Variants in IGFN1 observed in about 807,000 individuals in gnomAD.
IGFN1 encodes immunoglobulin like and fibronectin type III domain containing 1.
Under a neutral mutation model 289.5 loss-of-function variants are expected in IGFN1, and 253 were observed. The ratio of observed to expected loss-of-function variants is 0.87; its 90% CI spans 0.79 to 0.97. IGFN1 has a LOEUF of 0.97. Ranked by LOEUF, IGFN1 falls within the 50% of genes least tolerant of loss-of-function variation. The pLI is 0.00. For synonymous variants in IGFN1, 1,706 were observed against 1,788.5 expected, an observed-to-expected ratio of 0.95 and a Z score of 1.16; for missense variants, 4,470 against 4,686.1, an observed-to-expected ratio of 0.95 and a Z score of 1.35.
chr1:201,228,464 G>A lies in IGFN1; in HGVS notation c.*65G>A, dbSNP rs372890695. 85 of 1,541,290 alleles carry A rather than the reference G, an allele frequency of 5.5e-5. No homozygotes were observed. The highest frequency in any genetic ancestry group is 1.2e-4 in the African/African-American group (9 of 73,368). ...TCACTTCCGACACCTGCACTGGCCCGGGAAGCCAATCCCAAGGATGGAGGC... is the reference window on the plus strand; with the variant it reads ...TCACTTCCGACACCTGCACTGGCCCAGGAAGCCAATCCCAAGGATGGAGGC... On this transcript the variant is annotated 3_prime_UTR_variant, in exon 24 of 24. Transcript: ENST00000335211.
rs1654265492 is a variant in IGFN1, at chr1:201,228,537, G to T, written c.*138G>T. 1 of 948,012 alleles carries T rather than the reference G, an allele frequency of 1.1e-6. No individual in the cohort carries two copies. Among genetic ancestry groups the T allele is most frequent in the East Asian group, 2.4e-5 (1 of 41,604 alleles). The allele number at this position is 948,012 out of a possible 1,614,324, so 58.7% of individuals were successfully genotyped here. On this transcript the variant is annotated 3_prime_UTR_variant, in exon 24 of 24. Transcript: ENST00000335211. Reference sequence around the variant, plus strand: ...TGGGAGTGAGAAGATGCCTGGCGAGGTTTTGGCCAGGAGGACGTGAAGTCC... The same window carrying T: ...TGGGAGTGAGAAGATGCCTGGCGAGTTTTTGGCCAGGAGGACGTGAAGTCC...
Position 201,209,367 on chromosome 1 carries a change from G to A in IGFN1, c.4474G>A (p.Glu1492Lys). The stretch of plus-strand genomic sequence containing the variant: ...GGGTTCTGGGGAAATGGGGTTAATT[G>A]AGGCAGGCTATAGGAAAGATTTGGG... ...LRGSGEMGLI[E>K]AGYRKDLGVS... The change falls in exon 12 of 24, where the codon GAG becomes AAG. Residue 1492 changes from glutamate (E) to lysine (K), a missense_variant. Around this residue, in one of 8 missense-constraint regions of IGFN1, gnomAD observed 2,011 missense variants for 1,953.4 expected, o/e 1.03. Coordinates refer to ENST00000335211, the MANE Select transcript of IGFN1 (RefSeq NM_001164586.2). 6 of 1,500,554 alleles carry A rather than the reference G, an allele frequency of 4.0e-6. No homozygotes were observed. The highest frequency in any genetic ancestry group is 5.3e-6 in the Non-Finnish European group (6 of 1,131,672). 93.0% of individuals were successfully genotyped at this position (1,500,554 alleles called of 1,614,324 possible). A position where few individuals can be genotyped will look rare whatever the true frequency, so the allele number is the denominator to read the frequency against.
intron 20 of IGFN1, among the ~76,000 whole-genome samples, chr1:201,223,293 C>G (rs1653856465): frequency 6.6e-6 from 1 of 152,204 alleles, no homozygotes; most frequent in African/African-American, 2.4e-5. Context: ...AAAGTACAAA[C>G]TGCCTGGGTT....
chr1:201,228,423 C>A lies in IGFN1; in HGVS notation c.*24C>A. On this transcript the variant is annotated 3_prime_UTR_variant, in exon 24 of 24. Transcript: ENST00000335211. ...AGCCTCACCTCACCCTGGGATGGTC[C>A]TGGACCCTTGAAGCTTCACTTCCGA... 6.2e-7 allele frequency: 1 copy of A among 1,613,216 alleles called. No homozygotes were observed. The highest frequency in any genetic ancestry group is 1.1e-5 in the South Asian group (1 of 91,072).
At chr1:201,201,030 A>G (rs1013005599) in intron 8 of IGFN1, among the ~76,000 whole-genome samples, 1 of 151,856 alleles carries the variant, frequency 6.6e-6, no homozygotes, top group Non-Finnish European at 1.5e-5. Flanking sequence ...ACGGGGTTTC[A>G]CCGTGTTAGC....
At chr1:201,197,523 T>C (rs1666971931) in intron 5 of IGFN1, among the ~76,000 whole-genome samples, 1 of 152,214 alleles carries the variant, frequency 6.6e-6, no homozygotes, top group African/African-American at 2.4e-5. Context: ...AGGCACACCT[T>C]GGCAGATACT....
At chr1:201,194,575 T>C (rs1666808476) in intron 3 of IGFN1, among the ~76,000 whole-genome samples, 1 of 152,126 alleles carries the variant, frequency 6.6e-6, no homozygotes, top group South Asian at 2.1e-4. Flanking sequence ...GAGGTTGTGG[T>C]GTTTCCTGGT....
At chr1:201,214,934 TA>T in intron 13 of IGFN1, 78 bp from the exon 14 acceptor site, 1 of 1,471,458 alleles carries the variant, frequency 6.8e-7, no homozygotes, top group Non-Finnish European at 9.3e-7. Context: ...CCAGCATCAG[TA>T]AAGGGCTCTG....
intron 3 of IGFN1, among the ~76,000 whole-genome samples, chr1:201,194,766 T>G (rs898529751): frequency 1.3e-5 from 2 of 152,212 alleles, no homozygotes; most frequent in African/African-American, 2.4e-5. Context: ...GAACAAAGGC[T>G]TATTGGGGAA....
At position 201,206,219 on chromosome 1, in the gene IGFN1, G is replaced by A. The variant is rs78090249; in HGVS notation, c.1326G>A (p.Gly442=). 1,299 of 1,548,306 alleles carry A rather than the reference G, an allele frequency of 8.4e-4. 19 individuals carry two copies. In the East Asian group the frequency reaches 0.025, roughly 30 times the overall value. ...GEKSREQGPR[G]GSLEGAGPAS... ...AATCCAGAGAGCAGGGCCCCAGGGGGGGCTCCCTTGAAGGGGCTGGGCCGG... is the reference window on the plus strand; with the variant it reads ...AATCCAGAGAGCAGGGCCCCAGGGGAGGCTCCCTTGAAGGGGCTGGGCCGG... The change falls in exon 12 of 24, where the codon GGG becomes GGA. Residue 442 remains glycine, a synonymous_variant. Transcript: ENST00000335211.
In IGFN1 at chr1:201,197,551, G is replaced by A. The variant is rs545762075; in HGVS notation, c.367+234G>A. The stretch of plus-strand genomic sequence containing the variant: ...CAGATACTCTGAAGGATATTCTCTT[G>A]GCCCAGTAAATGAGCAGGACCTGAA... On this transcript the variant is annotated intron_variant, in intron 5 of 23. Coordinates refer to ENST00000335211, the MANE Select transcript of IGFN1 (RefSeq NM_001164586.2). 2.0e-5 allele frequency among the ~76,000 whole-genome samples: 3 copies of A among 152,324 alleles called. No individual in the cohort carries two copies. The South Asian group carries it at 6.2e-4, about 32-fold the overall frequency.
chr1:201,192,645 T>C (rs1666709076), intron 1 of IGFN1, among the ~76,000 whole-genome samples: 1 of 152,082 alleles, frequency 6.6e-6, no homozygotes, highest in Non-Finnish European at 1.5e-5. Context: ...TTGAGGCCTC[T>C]CCCCTGCAGA....
At chr1:201,196,874 C>A (rs1021747752) in intron 4 of IGFN1, among the ~76,000 whole-genome samples, 3 of 152,160 alleles carry the variant, frequency 2.0e-5, no homozygotes, top group African/African-American at 4.8e-5. Flanking sequence ...TCCCATCTTA[C>A]AAATGAAGAA....
At chr1:201,193,108 T>C (rs1666729703) in intron 1 of IGFN1, 139 bp from the exon 2 acceptor site, 1 of 589,394 alleles carries the variant, frequency 1.7e-6, no homozygotes, top group Admixed American at 3.0e-5. Flanking sequence ...TCAGTGCCAT[T>C]AGTGGGTTAG....
In IGFN1 at chr1:201,199,661, T is replaced by A. The variant is rs1667063104; in HGVS notation, c.458+7T>A. The A allele has an allele frequency of 4.5e-6, 7 of 1,551,144 alleles. No individual in the cohort carries two copies. The highest frequency in any genetic ancestry group is 1.7e-4 in the Middle Eastern group (1 of 6,012). The stretch of plus-strand genomic sequence containing the variant: ...GGAAGTTGCTGAAAAAGAGGTGGGT[T>A]TGGGCCTGTCCATGAGGGATTTTGG... On this transcript the variant is annotated splice_region_variant and intron_variant, in intron 7 of 23. Transcript: ENST00000335211.
chr1:201,213,390 AG>A lies in IGFN1; in HGVS notation c.8501del (p.Gly2834GlufsTer24), dbSNP rs775244033. 4 of 1,613,786 alleles carry A rather than the reference AG, an allele frequency of 2.5e-6. No homozygotes were observed. Among genetic ancestry groups the A allele is most frequent in the East Asian group, 2.2e-5 (1 of 44,874 alleles). The part of the protein sequence containing the change: ...SGAEVGGGKR[R>X]GADEAGSMGW... ...GGCTGAGGTTGGAGGAGGAAAGAGA[AG>A]GGGAGCAGACGAGGCTGGAAGCATG... On this transcript the variant is annotated frameshift_variant, in exon 12 of 24. Transcript: ENST00000335211. LOFTEE classifies it high-confidence loss of function.
At chr1:201,226,683 C>CA (rs34207437) in intron 22 of IGFN1, among the ~76,000 whole-genome samples, 199 bp from the exon 23 acceptor site, 88 of 150,946 alleles carry the variant, frequency 5.8e-4, no homozygotes, top group East Asian at 2.7e-3. Context: ...GTATTAGCTA[C>CA]AAAAAAAAAT....
Position 201,227,191 on chromosome 1 carries a change from C to T in IGFN1, c.11096C>T (p.Ala3699Val), listed in dbSNP as rs1654167212. 1.3e-6 allele frequency: 2 copies of T among 1,597,104 alleles called. No homozygotes were observed. The highest frequency in any genetic ancestry group is 1.7e-6 in the Non-Finnish European group (2 of 1,171,672). Residue 3699 changes from alanine to valine, a missense_variant, in exon 23 of 24, where the codon GCC becomes GTC. By Grantham distance (64) the Ala-to-Val change is moderately conservative. Transcript: ENST00000335211. ...ACGCTGGGCCAGGCAGTCAGCACTG[C>T]CACCCTCATTGTCATAGGTAATGGT... ...ENTLGQAVSTATLIVIEPST is the reference protein window; with the variant it reads ...ENTLGQAVSTVTLIVIEPST
At chr1:201,201,073 C>T (rs919912634) in intron 8 of IGFN1, among the ~76,000 whole-genome samples, 1 of 152,074 alleles carries the variant, frequency 6.6e-6, no homozygotes, top group East Asian at 1.9e-4. Context: ...CCTCGTGATC[C>T]GCCTGCCTCG....
Sources: gnomAD v4.1 joint callset for allele counts (sites outside exome capture counted in the v4.1 genomes callset) on GRCh38, gnomAD v4.1.1 for gene constraint, gnomAD v4.1.1 regional missense constraint, MANE v1.5 for transcripts, NCBI Gene and HGNC (gene_info 2026-07-23, HGNC 2026-07-21) for gene names.